UNC13C: variants seen among roughly 807,000 people sequenced by gnomAD.
The protein encoded by UNC13C is unc-13 homolog C.
Under a neutral mutation model 245.4 loss-of-function variants are expected in UNC13C, and 174 were observed. The observed-to-expected ratio is 0.71, with a 90% CI of 0.63 to 0.80. UNC13C has a LOEUF of 0.80. UNC13C is among the 30% of genes least tolerant of loss of function. The pLI, the probability that UNC13C is intolerant of heterozygous loss-of-function variation, is 0.00. For missense variants in UNC13C, 2,829 were observed against 2,602.9 expected (o/e 1.09, Z -1.89); for synonymous variants, 992 against 895.1 (o/e 1.11, Z -1.93).
At chr15:54,343,259 G>A (rs1165582736) in intron 17 of UNC13C, among the ~76,000 whole-genome samples, 2 of 151,740 alleles carry the variant, frequency 1.3e-5, no homozygotes, top group Admixed American at 6.6e-5. Context: ...TCAGCCTCCT[G>A]AGTAGCTGGG....
intron 13 of UNC13C, among the ~76,000 whole-genome samples, chr15:54,308,120 A>G (rs904898488): frequency 1.3e-5 from 2 of 151,896 alleles, no homozygotes; most frequent in African/African-American, 2.4e-5. Context: ...TAAACTTTAG[A>G]TGAAAGTCAT....
At chr15:54,484,097 G>A (rs889280787) in intron 19 of UNC13C, among the ~76,000 whole-genome samples, 5 of 149,970 alleles carry the variant, frequency 3.3e-5, no homozygotes, top group Non-Finnish European at 7.4e-5. Flanking sequence ...AAAAAAACCA[G>A]CATCTAGGAA....
chr15:54,418,244 C>A (rs746923875), intron 19 of UNC13C, among the ~76,000 whole-genome samples: 11 of 152,098 alleles, frequency 7.2e-5, no homozygotes, highest in Non-Finnish European at 1.2e-4. Context: ...GAACACATGG[C>A]AAAATGCTGC....
At chr15:54,096,846 A>C (rs1298332555) in intron 2 of UNC13C, among the ~76,000 whole-genome samples, 1 of 152,188 alleles carries the variant, frequency 6.6e-6, no homozygotes, top group Non-Finnish European at 1.5e-5. Flanking sequence ...ATATGTATGT[A>C]TGTAAATATG....
At chr15:53,930,765 AG>A in the UNC13C span, among the ~76,000 whole-genome samples, 1 of 152,206 alleles carries the variant, frequency 6.6e-6, no homozygotes, top group East Asian at 1.9e-4. Context: ...ATTTCTACTA[AG>A]TGTTAGGTTA....
intron 24 of UNC13C, among the ~76,000 whole-genome samples, chr15:54,517,226 AG>A (rs1202743850): frequency 5.3e-5 from 8 of 152,138 alleles, no homozygotes; most frequent in African/African-American, 1.9e-4. Flanking sequence ...TCATATTTTC[AG>A]GAATTACAAA....
intron 30 of UNC13C, among the ~76,000 whole-genome samples, chr15:54,571,307 G>A (rs1897743163): frequency 6.6e-6 from 1 of 152,194 alleles, no homozygotes; most frequent in South Asian, 2.1e-4. Flanking sequence ...TGGCAGGCAA[G>A]AGAGTGTGTG....
intron 14 of UNC13C, among the ~76,000 whole-genome samples, chr15:54,322,569 G>T (rs993286482): frequency 5.3e-5 from 8 of 151,936 alleles, no homozygotes; most frequent in African/African-American, 9.7e-5. Flanking sequence ...TGTTTAAGGA[G>T]CCTACAAAAA....
At position 54,143,636 on chromosome 15, in the gene UNC13C, G is replaced by A. The variant is rs755097404; in HGVS notation, c.3023G>A (p.Gly1008Asp). The A allele has an allele frequency of 6.2e-7, 1 of 1,613,156 alleles. No homozygotes were observed. The highest frequency in any genetic ancestry group is 8.5e-7 in the Non-Finnish European group (1 of 1,179,356). Reference sequence around the variant, plus strand: ...TCATTTAAGGCTCGAATAGTAAGTGGCAATGATTTGGATGCTTCCAAATTT... The same window carrying A: ...TCATTTAAGGCTCGAATAGTAAGTGACAATGATTTGGATGCTTCCAAATTT... ...SVDEKARIVS[G>D]NDLDASKFSA... Residue 1008 changes from glycine (G) to aspartate (D), a missense_variant, in exon 4 of 33, where the codon GGC (glycine) becomes GAC (aspartate). Physicochemically the swap from Gly to Asp is moderately conservative, Grantham distance 94. Coordinates refer to ENST00000260323, the MANE Select transcript of UNC13C (RefSeq NM_001080534.3).
In UNC13C at chr15:54,627,220, T is replaced by G; in HGVS notation, c.*107T>G. The G allele has an allele frequency of 8.7e-7, 1 of 1,146,636 alleles. No individual in the cohort carries two copies. Among genetic ancestry groups the G allele is most frequent in the Non-Finnish European group, 1.2e-6 (1 of 831,014 alleles). The allele number at this position is 1,146,636 out of a possible 1,614,324, so 71.0% of individuals were successfully genotyped here. A position where few individuals can be genotyped will look rare whatever the true frequency, so the allele number is the denominator to read the frequency against. On this transcript the variant is annotated 3_prime_UTR_variant, in exon 33 of 33. Coordinates refer to ENST00000260323, the MANE Select transcript of UNC13C (RefSeq NM_001080534.3). Reference sequence around the variant, plus strand: ...ACTACATTTCAATGTTTGCCAGTACTCATGTACGATGTCTACAAGGTATGT... The same window carrying G: ...ACTACATTTCAATGTTTGCCAGTACGCATGTACGATGTCTACAAGGTATGT...
chr15:53,944,962 G>C, the UNC13C span, among the ~76,000 whole-genome samples: 1 of 152,072 alleles, frequency 6.6e-6, no homozygotes, highest in Non-Finnish European at 1.5e-5. Flanking sequence ...CATTCTGATT[G>C]GTGAGAGGTT....
chr15:54,264,052 C>T (rs774589899), intron 8 of UNC13C, 116 bp from the exon 9 acceptor site: 77 of 1,006,212 alleles, frequency 7.7e-5, no homozygotes, highest in Non-Finnish European at 9.3e-5. Flanking sequence ...AGCCACCTGA[C>T]TCCACAGAAT....
intron 19 of UNC13C, among the ~76,000 whole-genome samples, chr15:54,475,982 T>G (rs1221765461): frequency 8.6e-6 from 1 of 115,858 alleles, no homozygotes; most frequent in African/African-American, 3.3e-5. Flanking sequence ...TTTTCCTGAC[T>G]TTTTAATGAT....
intron 14 of UNC13C, among the ~76,000 whole-genome samples, chr15:54,326,808 A>T (rs62012030): frequency 0.011 from 1,665 of 152,192 alleles, 10 homozygotes; most frequent in Non-Finnish European, 0.018. Flanking sequence ...ATTGTAGAAC[A>T]GTGGTATGCT....
At chr15:54,223,386 A>G (rs2035284684) in intron 4 of UNC13C, among the ~76,000 whole-genome samples, 1 of 152,136 alleles carries the variant, frequency 6.6e-6, no homozygotes, top group Non-Finnish European at 1.5e-5. Flanking sequence ...ACATTTGTTG[A>G]AAATGAATTC....
At chr15:54,028,226 C>T (rs555331359) in intron 2 of UNC13C, among the ~76,000 whole-genome samples, 1 of 152,276 alleles carries the variant, frequency 6.6e-6, no homozygotes. Context: ...ACTATTTTCT[C>T]CTTTTATTAG....
chr15:53,994,552 G>C (rs1032981121), intron 1 of UNC13C, among the ~76,000 whole-genome samples: 5 of 152,018 alleles, frequency 3.3e-5, no homozygotes, highest in African/African-American at 4.8e-5. Context: ...AAGAGGAAAA[G>C]AGGGGAGGAT....
At chr15:53,909,913 C>T in the UNC13C span, among the ~76,000 whole-genome samples, 1 of 145,634 alleles carries the variant, frequency 6.9e-6, no homozygotes, top group Admixed American at 7.1e-5. Context: ...AGTGTTACCT[C>T]GGTTTTGCTG....
intron 2 of UNC13C, among the ~76,000 whole-genome samples, chr15:54,028,789 C>G (rs559877794): frequency 6.9e-6 from 1 of 144,766 alleles, no homozygotes; most frequent in African/African-American, 2.6e-5. Context: ...CTCCCGGGTT[C>G]ACACTCTTCT....
Sources: gnomAD v4.1 joint callset for allele counts (sites outside exome capture counted in the v4.1 genomes callset) on GRCh38, gnomAD v4.1.1 for gene constraint, MANE v1.5 for transcripts, NCBI Gene and HGNC (gene_info 2026-07-23, HGNC 2026-07-21) for gene names.